Variants in ADAMTS16 observed in about 807,000 individuals in gnomAD.
ADAMTS16 encodes the protein A disintegrin and metalloproteinase with thrombospondin motifs 16.
In ADAMTS16, 94 loss-of-function variants were observed where a neutral mutation model predicts 145.8. The ratio of observed to expected loss-of-function variants is 0.64; its 90% CI spans 0.55 to 0.77. ADAMTS16 has a LOEUF of 0.77. Ranked by LOEUF, ADAMTS16 falls within the 30% of genes least tolerant of loss-of-function variation. The pLI is 0.00. For missense variants in ADAMTS16, 1,585 were observed against 1,591.5 expected, an observed-to-expected ratio of 1.00 and a Z score of 0.07; for synonymous variants, 659 against 604.3, an observed-to-expected ratio of 1.09 and a Z score of -1.33.
intron 18 of ADAMTS16, among the ~76,000 whole-genome samples, chr5:5,271,447 C>T (rs1738472667): frequency 6.6e-6 from 1 of 152,270 alleles, no homozygotes; most frequent in Non-Finnish European, 1.5e-5. Context: ...CCTGCGCGGG[C>T]ACTGCCCAGA....
At chr5:5,168,621 T>TAA (rs1734952853) in intron 3 of ADAMTS16, among the ~76,000 whole-genome samples, 1 of 86,936 alleles carries the variant, frequency 1.2e-5, no homozygotes, top group Non-Finnish European at 2.5e-5. Flanking sequence ...TTTTATATAT[T>TAA]ATATTATATA....
chr5:5,236,047 G>C (rs1000533305), intron 13 of ADAMTS16, among the ~76,000 whole-genome samples: 1 of 152,196 alleles, frequency 6.6e-6, no homozygotes, highest in African/African-American at 2.4e-5. Context: ...CTAGGGAGGA[G>C]AGAAAGGTAG....
At chr5:5,209,780 G>C in intron 10 of ADAMTS16, among the ~76,000 whole-genome samples, 1 of 152,104 alleles carries the variant, frequency 6.6e-6, no homozygotes, top group South Asian at 2.1e-4. Flanking sequence ...GTAACACAGA[G>C]ACATATGCTC....
chr5:5,308,177 T>C lies in ADAMTS16; in HGVS notation c.3411+1449T>C, dbSNP rs551833262. 1.3e-3 allele frequency among the ~76,000 whole-genome samples: 199 copies of C among 152,324 alleles called. 1 individual carries two copies. The highest frequency in any genetic ancestry group is 4.6e-3 in the African/African-American group (192 of 41,574). On this transcript the variant is annotated intron_variant, in intron 21 of 22. Coordinates refer to ENST00000274181, the MANE Select transcript of ADAMTS16 (RefSeq NM_139056.4). ...AGCCTTTCCCGCATCCTCCGTGGTT[T>C]CCAGCATCTGATTCCAGAGGCCATT...
intron 18 of ADAMTS16, among the ~76,000 whole-genome samples, chr5:5,284,790 T>G (rs1182138333): frequency 6.6e-6 from 1 of 152,206 alleles, no homozygotes; most frequent in Non-Finnish European, 1.5e-5. Flanking sequence ...TTCACATATG[T>G]GTTTTTGTAG....
Position 5,191,736 on chromosome 5 carries a change from A to G in ADAMTS16, c.1259A>G (p.Asn420Ser), listed in dbSNP as rs1311254611. The G allele has an allele frequency of 6.2e-7, 1 of 1,613,710 alleles. No individual in the cohort carries two copies. Among genetic ancestry groups the G allele is most frequent in the Non-Finnish European group, 8.5e-7 (1 of 1,179,802 alleles). The change falls in exon 8 of 23, where the codon AAT becomes AGT. Residue 420 changes from asparagine to serine, a missense_variant. Asn to Ser is a conservative substitution (Grantham distance 46, BLOSUM62 1). Coordinates refer to ENST00000274181, the MANE Select transcript of ADAMTS16 (RefSeq NM_139056.4). ...MCSKYRSCTI[N>S]EDTGLGLAFT... ...AGTAAATATCGCAGCTGCACGATTA[A>G]TGAAGATACAGGTCTTGGACTGGCC...
chr5:5,181,893 G>A (rs72724113), intron 3 of ADAMTS16, 151 bp from the exon 4 acceptor site: 387 of 812,036 alleles, frequency 4.8e-4, no homozygotes, highest in Middle Eastern at 8.9e-4. Context: ...ATTCTCAGCC[G>A]GGGTTTTTGA....
intron 6 of ADAMTS16, 123 bp from the exon 7 acceptor site, chr5:5,189,840 AGCTTATAT>A: frequency 9.0e-7 from 1 of 1,106,748 alleles, no homozygotes; most frequent in South Asian, 1.4e-5. Context: ...TACACGCGTT[AGCTTATAT>A]GCCATCCAGA....
intron 9 of ADAMTS16, among the ~76,000 whole-genome samples, chr5:5,205,742 T>C (rs1285052227): frequency 6.6e-6 from 1 of 152,264 alleles, no homozygotes; most frequent in Non-Finnish European, 1.5e-5. Flanking sequence ...TATTCTTTGA[T>C]TAGGTGTCTG....
intron 18 of ADAMTS16, 78 bp downstream of exon 18, chr5:5,262,861 G>C (rs149078800): frequency 9.5e-6 from 15 of 1,572,398 alleles, no homozygotes; most frequent in African/African-American, 8.1e-5. Context: ...TCCTGATTTC[G>C]AGAGAGAAGT....
Position 5,202,840 on chromosome 5 carries a change from T to C in ADAMTS16, c.1451+2571T>C, listed in dbSNP as rs1331120871. 2.0e-5 allele frequency among the ~76,000 whole-genome samples: 3 copies of C among 152,342 alleles called. No homozygotes were observed. The East Asian group carries it at 5.8e-4, about 29-fold the overall frequency. On this transcript the variant is annotated intron_variant, in intron 9 of 22. Coordinates refer to ENST00000274181, the MANE Select transcript of ADAMTS16 (RefSeq NM_139056.4). Reference sequence around the variant, plus strand: ...CAAGTTATTAAAGTCCAAAAAAAGTTTTGAAACTGCCAAGAAATATAGGCA... The same window carrying C: ...CAAGTTATTAAAGTCCAAAAAAAGTCTTGAAACTGCCAAGAAATATAGGCA...
chr5:5,189,847 A>G (rs551462094), intron 6 of ADAMTS16, 124 bp from the exon 7 acceptor site: 1 of 1,194,936 alleles, frequency 8.4e-7, no homozygotes, highest in South Asian at 1.4e-5. Flanking sequence ...GTTAGCTTAT[A>G]TGCCATCCAG....
intron 3 of ADAMTS16, among the ~76,000 whole-genome samples, chr5:5,173,046 CT>C (rs918544759): frequency 2.6e-5 from 4 of 151,708 alleles, no homozygotes; most frequent in South Asian, 2.1e-4. Context: ...GACTCCAGCC[CT>C]TTTTTTTCCC....
chr5:5,187,687 C>T (rs780916764), intron 5 of ADAMTS16, 38 bp from the exon 6 acceptor site: 2 of 1,446,866 alleles, frequency 1.4e-6, no homozygotes, highest in South Asian at 1.1e-5. Context: ...GGGAAAATGC[C>T]ATTTATGGGG....
rs1266030780 is a variant in ADAMTS16, at chr5:5,232,534, T to C, written c.1850+18T>C. On this transcript the variant is annotated intron_variant, in intron 12 of 22. Coordinates refer to ENST00000274181, the MANE Select transcript of ADAMTS16 (RefSeq NM_139056.4). ...AACCCCAAGTAAGTATGCCTTGACC[T>C]CCTTCCTCACAAACGACTGATTTCC... 1.9e-6 allele frequency: 3 copies of C among 1,603,826 alleles called. No homozygotes were observed. The highest frequency in any genetic ancestry group is 1.7e-5 in the Admixed American group (1 of 59,596).
intron 18 of ADAMTS16, among the ~76,000 whole-genome samples, chr5:5,280,677 G>A (rs1443153254): frequency 2.6e-5 from 4 of 152,072 alleles, no homozygotes; most frequent in African/African-American, 9.7e-5. Context: ...GTTGAGTAAC[G>A]GAATTCTATT....
chr5:5,229,111 A>C (rs376496879), intron 11 of ADAMTS16, among the ~76,000 whole-genome samples: 1 of 151,730 alleles, frequency 6.6e-6, no homozygotes, highest in African/African-American at 2.4e-5. Flanking sequence ...ATCCTGGCTA[A>C]CACGGTGAAA....
chr5:5,185,932 G>A (rs1407849189), intron 4 of ADAMTS16, 120 bp from the exon 5 acceptor site: 5 of 795,842 alleles, frequency 6.3e-6, no homozygotes, highest in Non-Finnish European at 1.0e-5. Flanking sequence ...GGTTTTAAAG[G>A]TTTATGTGGT....
chr5:5,175,545 C>T (rs570997737), intron 3 of ADAMTS16, among the ~76,000 whole-genome samples: 1 of 152,294 alleles, frequency 6.6e-6, no homozygotes, highest in South Asian at 2.1e-4. Context: ...CCCAAGTCCA[C>T]CGGTTGTACA....
Sources: allele counts gnomAD v4.1 joint callset (sites outside exome capture counted in the v4.1 genomes callset), GRCh38; gene constraint gnomAD v4.1.1; transcripts MANE v1.5; gene names NCBI Gene and HGNC (gene_info 2026-07-23, HGNC 2026-07-21).